Variants in SMTN observed in about 807,000 individuals in gnomAD.
SMTN encodes the protein smoothelin.
Under a neutral mutation model 102.0 loss-of-function variants are expected in SMTN, and 58 were observed. The ratio of observed to expected loss-of-function variants is 0.57; its 90% CI spans 0.46 to 0.71. The LOEUF is 0.71. SMTN is among the 30% of genes least tolerant of loss of function. The pLI is 0.00. For synonymous variants in SMTN, 478 were observed against 497.9 expected (o/e 0.96, Z 0.53); for missense variants, 1,185 against 1,241.7 (o/e 0.95, Z 0.69).
Position 31,104,464 on chromosome 22 carries a change from TAGCCTGCCC to T in SMTN, c.*170_*178del, listed in dbSNP as rs1569274235. On this transcript the variant is annotated 3_prime_UTR_variant, in exon 21 of 21. Transcript: ENST00000333137. ...ACTGCGCCTGCGCGGCAAGAATGTC[TAGCCTGCCC>T]GCCCGCATGGCCAGCCAGTGGCAAG... 1 of 1,612,856 alleles carries T rather than the reference TAGCCTGCCC, an allele frequency of 6.2e-7. No individual in the cohort carries two copies.
intron 2 of SMTN, chr22:31,085,163 T>C: frequency 6.5e-7 from 1 of 1,535,460 alleles, no homozygotes; most frequent in Non-Finnish European, 8.7e-7. Context: ...CGAGTTCGAG[T>C]TCGACCTCCG....
At position 31,101,088 on chromosome 22, in the gene SMTN, A is replaced by G; in HGVS notation, c.*20+39A>G. ...CCTCTACCACCTGCCCCGTTTCACC[A>G]GAATCTGCTCAGCAAGGCCAGAGAG... On this transcript the variant is annotated intron_variant, in intron 20 of 20. Coordinates refer to ENST00000333137, the MANE Select transcript of SMTN (RefSeq NM_134269.3). 3 of 1,552,142 alleles carry G rather than the reference A, an allele frequency of 1.9e-6. No individual in the cohort carries two copies. The Admixed American group carries it at 5.5e-5, about 29-fold the overall frequency.
intron 16 of SMTN, 62 bp downstream of exon 16, chr22:31,097,400 A>G (rs928202916): frequency 7.7e-5 from 114 of 1,474,174 alleles, no homozygotes; most frequent in Non-Finnish European, 9.7e-5. Flanking sequence ...ACCTAACTGC[A>G]AACCCGTTTT....
At chr22:31,074,334 C>T (rs1050999833) in intron 1 of SMTN, among the ~76,000 whole-genome samples, 5 of 152,012 alleles carry the variant, frequency 3.3e-5, no homozygotes, top group South Asian at 4.1e-4. Context: ...GTGCCATGAT[C>T]GCACCACTGC....
rs1220194594 is a variant in SMTN, at chr22:31,091,143, C to A, written c.1120C>A (p.Pro374Thr). Reference sequence around the variant, plus strand: ...GGGCCCCTCCCTCACCAGCACCACCCCTGCCTCCTCCTCCAGCGGCTCCTC... The same window carrying A: ...GGGCCCCTCCCTCACCAGCACCACCACTGCCTCCTCCTCCAGCGGCTCCTC... Reference protein sequence around the residue: ...LLGPSLTSTTPASSSSGSSSR... With the variant: ...LLGPSLTSTTTASSSSGSSSR... Residue 374 changes from proline to threonine, a missense_variant, in exon 10 of 21, where the codon CCT becomes ACT. Pro to Thr is a conservative substitution (Grantham distance 38, BLOSUM62 -1). Coordinates refer to ENST00000333137, the MANE Select transcript of SMTN (RefSeq NM_134269.3). 3 of 1,613,888 alleles carry A rather than the reference C, an allele frequency of 1.9e-6. No individual in the cohort carries two copies. Among genetic ancestry groups the A allele is most frequent in the Non-Finnish European group, 2.5e-6 (3 of 1,179,876 alleles).
At chr22:31,088,674 C>G (rs1428832538) in intron 4 of SMTN, 25 bp from the exon 5 acceptor site, 1 of 1,613,656 alleles carries the variant, frequency 6.2e-7, no homozygotes, top group Non-Finnish European at 8.5e-7. Flanking sequence ...CAGCCCAACA[C>G]CCGCGACCTG....
chr22:31,083,629 C>G (rs1052766870), intron 2 of SMTN: 4 of 238,368 alleles, frequency 1.7e-5, no homozygotes, highest in Admixed American at 5.0e-5. Flanking sequence ...AGCAATAGCT[C>G]GGGCAATGCC....
rs1354786571 is a variant in SMTN, at chr22:31,085,076, G to T, written c.51+1767G>T. The T allele has an allele frequency of 3.9e-6, 6 of 1,533,808 alleles. No individual in the cohort carries two copies. In the East Asian group the frequency reaches 1.5e-4, roughly 38 times the overall value. ...ATTCTTGAGGATTGGGCCGGGGATG[G>T]GAGGAATGGGGACGCCTGGGGACTT... On this transcript the variant is annotated intron_variant, in intron 2 of 20. Coordinates refer to ENST00000333137, the MANE Select transcript of SMTN (RefSeq NM_134269.3).
intron 1 of SMTN, among the ~76,000 whole-genome samples, chr22:31,069,746 G>A (rs2041953596): frequency 6.6e-6 from 1 of 152,194 alleles, no homozygotes; most frequent in Non-Finnish European, 1.5e-5. Context: ...TAGGATGGGG[G>A]ACACAAAACA....
At position 31,091,686 on chromosome 22, in the gene SMTN, G is replaced by T; in HGVS notation, c.1471G>T (p.Gly491Trp). The change falls in exon 11 of 21, where the codon GGG becomes TGG. Residue 491 changes from glycine to tryptophan, a missense_variant. Physicochemically the swap from Gly to Trp is radical, Grantham distance 184. Around this residue, in one of 2 missense-constraint regions of SMTN, gnomAD observed 1,096 missense variants for 1,112.7 expected, o/e 0.98. Coordinates refer to ENST00000333137, the MANE Select transcript of SMTN (RefSeq NM_134269.3). ...TGNQRAELTL[G>W]LRAPPTLLST... ...TTCTCCCCACTCAGAACTGACACTG[G>T]GGCTGCGGGCGCCCCCGACCCTACT... 1 of 1,594,562 alleles carries T rather than the reference G, an allele frequency of 6.3e-7. No homozygotes were observed. Among genetic ancestry groups the T allele is most frequent in the Non-Finnish European group, 8.6e-7 (1 of 1,167,306 alleles).
At chr22:31,076,614 G>A (rs1173431138), upstream of SMTN, among the ~76,000 whole-genome samples, 2 of 152,200 alleles carry the variant, frequency 1.3e-5, no homozygotes, top group Non-Finnish European at 2.9e-5. Context: ...GCTTAAGTGT[G>A]CCAGGCCCTG....
upstream of SMTN, among the ~76,000 whole-genome samples, chr22:31,079,767 C>A (rs1355154458): frequency 6.6e-6 from 1 of 152,138 alleles, no homozygotes; most frequent in African/African-American, 2.4e-5. Context: ...CCTTGATTTT[C>A]TTTTTTCTTT....
chr22:31,073,319 T>C (rs577860347), intron 1 of SMTN, among the ~76,000 whole-genome samples: 14 of 152,118 alleles, frequency 9.2e-5, no homozygotes, highest in African/African-American at 3.1e-4. Context: ...ACGGAAGCAA[T>C]GCTTTGTGTT....
At chr22:31,089,523 G>T in intron 6 of SMTN, 176 bp from the exon 7 acceptor site, 2 of 625,654 alleles carry the variant, frequency 3.2e-6, no homozygotes, top group Non-Finnish European at 5.6e-6. Context: ...GTGGGGATCA[G>T]AGACTGCCCT....
chr22:31,083,644 C>T (rs1243381128), intron 2 of SMTN: 1 of 223,638 alleles, frequency 4.5e-6, no homozygotes, highest in Admixed American at 5.1e-5. Context: ...AATGCCCACC[C>T]CTGGAAGCTG....
upstream of SMTN, among the ~76,000 whole-genome samples, chr22:31,078,574 GA>G (rs764110082): frequency 6.6e-6 from 1 of 152,262 alleles, no homozygotes; most frequent in African/African-American, 2.4e-5. Flanking sequence ...CTGGCATTCA[GA>G]ATCCTTGGCA....
At chr22:31,074,811 CA>C in intron 1 of SMTN, among the ~76,000 whole-genome samples, 1 of 150,198 alleles carries the variant, frequency 6.7e-6, no homozygotes, top group Non-Finnish European at 1.5e-5. Context: ...ACAACAAAAA[CA>C]ACAACAACAA....
chr22:31,072,954 T>C (rs1602573052), intron 1 of SMTN, among the ~76,000 whole-genome samples: 1 of 150,578 alleles, frequency 6.6e-6, no homozygotes, highest in East Asian at 1.9e-4. Flanking sequence ...TACCTATAAC[T>C]TGTCCCTTAT....
intron 1 of SMTN, chr22:31,066,294 A>G (rs1215890395): frequency 2.0e-5 from 3 of 151,912 alleles, no homozygotes; most frequent in African/African-American, 4.8e-5. Context: ...CTTGAACCCC[A>G]TAGAATATTT....
Sources: allele counts gnomAD v4.1 joint callset (sites outside exome capture counted in the v4.1 genomes callset), GRCh38; gene constraint gnomAD v4.1.1; regional missense constraint gnomAD v4.1.1; transcripts MANE v1.5; gene names NCBI Gene and HGNC (gene_info 2026-07-23, HGNC 2026-07-21).